Variants in BEND6 observed in about 807,000 individuals in gnomAD.
The protein encoded by BEND6 is BEN domain containing 6, also known as BEN domain-containing protein 6.
A neutral mutation model predicts 31.8 loss-of-function variants in BEND6; 24 were observed. That is an observed-to-expected ratio of 0.75 (90% CI 0.55 to 1.06). BEND6 has a LOEUF of 1.06. Among genes scored for constraint, BEND6 ranks in the 50% least tolerant of loss-of-function variants. BEND6 has a pLI of 0.00. For missense variants in BEND6, 294 were observed against 327.4 expected (o/e 0.90, Z 0.79); for synonymous variants, 109 against 114.6 (o/e 0.95, Z 0.31).
chr6:57,004,631 G>A (rs28360535), intron 3 of BEND6: 156,858 of 1,104,176 alleles, frequency 0.14, 12,787 homozygotes, highest in Middle Eastern at 0.19. Context: ...CCCCTCCTAC[G>A]TGGGCTGAAT....
chr6:56,968,720 AT>A (rs1168113669), intron 1 of BEND6, among the ~76,000 whole-genome samples: 3 of 151,912 alleles, frequency 2.0e-5, no homozygotes, highest in Non-Finnish European at 4.4e-5. Context: ...CACACTGACC[AT>A]TTTTTTAATC....
At chr6:56,995,838 A>G (rs1442162579) in intron 3 of BEND6, among the ~76,000 whole-genome samples, 2 of 152,234 alleles carry the variant, frequency 1.3e-5, no homozygotes, top group Non-Finnish European at 2.9e-5. Context: ...TTTGGGGGAC[A>G]CAGTTCAATC....
At chr6:56,981,284 T>C (rs1294766644) in intron 1 of BEND6, among the ~76,000 whole-genome samples, 1 of 152,180 alleles carries the variant, frequency 6.6e-6, no homozygotes, top group Non-Finnish European at 1.5e-5. Flanking sequence ...TTTTAAGAAA[T>C]TCTTACTGAT....
chr6:56,983,301 G>T (rs1348336000), intron 2 of BEND6, among the ~76,000 whole-genome samples: 2 of 152,054 alleles, frequency 1.3e-5, no homozygotes. Flanking sequence ...TAAAATTTTT[G>T]TTGCAAGAGC....
chr6:56,964,224 T>C (rs1477513928), intron 1 of BEND6, among the ~76,000 whole-genome samples: 3 of 152,052 alleles, frequency 2.0e-5, no homozygotes, highest in Non-Finnish European at 2.9e-5. Flanking sequence ...TAAGTACTTA[T>C]GTGACCTGCT....
chr6:56,993,477 T>G (rs566933034), intron 3 of BEND6, among the ~76,000 whole-genome samples: 1 of 152,286 alleles, frequency 6.6e-6, no homozygotes, highest in East Asian at 1.9e-4. Context: ...CAATGGCTTA[T>G]GAAAATAGAG....
intron 1 of BEND6, among the ~76,000 whole-genome samples, chr6:56,977,998 C>T (rs1825946310): frequency 6.6e-6 from 1 of 151,618 alleles, no homozygotes; most frequent in South Asian, 2.1e-4. Flanking sequence ...AGTATGGTGG[C>T]TCATACCTGT....
chr6:57,002,108 G>C (rs1826966909), intron 3 of BEND6, among the ~76,000 whole-genome samples: 3 of 151,986 alleles, frequency 2.0e-5, no homozygotes, highest in Non-Finnish European at 2.9e-5. Flanking sequence ...AAAAAGAAAG[G>C]GCAAAGTGGA....
intron 5 of BEND6, among the ~76,000 whole-genome samples, chr6:57,018,105 A>G (rs1827626098): frequency 1.3e-5 from 2 of 152,226 alleles, no homozygotes; most frequent in Non-Finnish European, 2.9e-5. Context: ...GTTTCAATTA[A>G]TGTTGGAAAT....
At chr6:56,995,559 C>T (rs921527201) in intron 3 of BEND6, among the ~76,000 whole-genome samples, 3 of 152,190 alleles carry the variant, frequency 2.0e-5, no homozygotes, top group African/African-American at 7.2e-5. Flanking sequence ...CCATACTCCC[C>T]CTGCAGGTGC....
chr6:57,008,918 T>C (rs1160942605), intron 3 of BEND6: 2 of 152,052 alleles, frequency 1.3e-5, no homozygotes, highest in African/African-American at 4.8e-5. Context: ...ATAAAGAAAA[T>C]GTGGCATATA....
chr6:57,007,340 A>G (rs1205344170), intron 3 of BEND6, among the ~76,000 whole-genome samples: 1 of 152,114 alleles, frequency 6.6e-6, no homozygotes, highest in African/African-American at 2.4e-5. Context: ...TATTTGCAGA[A>G]TGAAACTAGA....
intron 3 of BEND6, among the ~76,000 whole-genome samples, chr6:56,993,209 G>A (rs529163657): frequency 6.6e-6 from 1 of 152,308 alleles, no homozygotes; most frequent in East Asian, 1.9e-4. Context: ...TGATGTTCAT[G>A]TGTTTATTTT....
chr6:56,958,858 A>T (rs1250016748), intron 1 of BEND6, among the ~76,000 whole-genome samples: 2 of 152,154 alleles, frequency 1.3e-5, no homozygotes, highest in African/African-American at 2.4e-5. Flanking sequence ...CCTTTCAGAG[A>T]ACTGATTCAT....
intron 6 of BEND6, among the ~76,000 whole-genome samples, chr6:57,022,979 A>C (rs1827796788): frequency 6.6e-6 from 1 of 152,226 alleles, no homozygotes; most frequent in South Asian, 2.1e-4. Flanking sequence ...CATGGTGGTC[A>C]TAAAAAATAC....
intron 3 of BEND6, among the ~76,000 whole-genome samples, chr6:57,000,943 C>T (rs1191540113): frequency 1.4e-5 from 2 of 147,898 alleles, no homozygotes. Context: ...AAAGACCCTA[C>T]CCAGTATTCA....
At chr6:57,016,472 G>C (rs1190158750) in intron 4 of BEND6, among the ~76,000 whole-genome samples, 1 of 152,174 alleles carries the variant, frequency 6.6e-6, no homozygotes, top group Non-Finnish European at 1.5e-5. Flanking sequence ...TCTGTTTCCT[G>C]CTCATCCAGG....
At chr6:56,978,178 G>A (rs1208354243) in intron 1 of BEND6, among the ~76,000 whole-genome samples, 1 of 151,950 alleles carries the variant, frequency 6.6e-6, no homozygotes, top group Non-Finnish European at 1.5e-5. Context: ...AGCTACTCTG[G>A]AGACTGAGGC....
chr6:56,957,228 C>T (rs951697714), intron 1 of BEND6, among the ~76,000 whole-genome samples: 1 of 152,202 alleles, frequency 6.6e-6, no homozygotes, highest in Non-Finnish European at 1.5e-5. Flanking sequence ...ACAAGAACAT[C>T]ATTTATCTCT....
Sources: allele counts gnomAD v4.1 joint callset (sites outside exome capture counted in the v4.1 genomes callset), GRCh38; gene constraint gnomAD v4.1.1; transcripts MANE v1.5; gene names NCBI Gene and HGNC (gene_info 2026-07-23, HGNC 2026-07-21).